TINAG: variants seen among roughly 807,000 people sequenced by gnomAD.
The protein encoded by TINAG is tubulointerstitial nephritis antigen.
In TINAG, 83 loss-of-function variants were observed where a neutral mutation model predicts 72.7. The ratio of observed to expected loss-of-function variants is 1.14; its 90% CI spans 0.96 to 1.37. TINAG has a LOEUF of 1.37. TINAG is among the 40% of genes most tolerant of loss of function. TINAG has a pLI of 0.00. For missense variants in TINAG, 685 were observed against 576.6 expected, an observed-to-expected ratio of 1.19 and a Z score of -1.93; for synonymous variants, 234 against 189.9, an observed-to-expected ratio of 1.23 and a Z score of -1.91.
chr6:54,370,878 A>G (rs955322340), intron 9 of TINAG, among the ~76,000 whole-genome samples: 6 of 152,030 alleles, frequency 3.9e-5, no homozygotes, highest in African/African-American at 1.4e-4. Flanking sequence ...GTCTTGTTTG[A>G]CACTGGTCCT....
intron 4 of TINAG, among the ~76,000 whole-genome samples, chr6:54,340,814 TA>T (rs781583931): frequency 3.3e-5 from 5 of 152,156 alleles, no homozygotes; most frequent in Non-Finnish European, 5.9e-5. Context: ...ATTCACCATT[TA>T]TATTTTTTCA....
At chr6:54,316,705 A>G (rs1424685921) in intron 1 of TINAG, among the ~76,000 whole-genome samples, 2 of 152,186 alleles carry the variant, frequency 1.3e-5, no homozygotes, top group Non-Finnish European at 2.9e-5. Context: ...CAGCATAGAT[A>G]CTTATAATAC....
intron 5 of TINAG, among the ~76,000 whole-genome samples, chr6:54,345,769 T>C (rs956819383): frequency 4.6e-5 from 7 of 152,058 alleles, no homozygotes; most frequent in African/African-American, 1.4e-4. Flanking sequence ...TAACACATAT[T>C]GAGCATCTAA....
chr6:54,329,709 G>T (rs571020756), intron 4 of TINAG, among the ~76,000 whole-genome samples: 1 of 152,178 alleles, frequency 6.6e-6, no homozygotes, highest in South Asian at 2.1e-4. Flanking sequence ...ACCCATCATT[G>T]TGCTGTATTC....
At chr6:54,334,429 C>T (rs1784813477) in intron 4 of TINAG, among the ~76,000 whole-genome samples, 1 of 151,982 alleles carries the variant, frequency 6.6e-6, no homozygotes, top group South Asian at 2.1e-4. Flanking sequence ...ATTCAAATTC[C>T]AGTAGCAGGG....
In TINAG at chr6:54,327,520, G is replaced by T. The variant is rs540606221; in HGVS notation, c.624+604G>T. ...ACCCTGGGTTTCAAGCACAAAACTGGGTGGCCATTTGGGCAGACACTGAAC... is the reference window on the plus strand; with the variant it reads ...ACCCTGGGTTTCAAGCACAAAACTGTGTGGCCATTTGGGCAGACACTGAAC... On this transcript the variant is annotated intron_variant, in intron 4 of 10. Transcript: ENST00000259782. Among the ~76,000 whole-genome samples the T allele has an allele frequency of 1.9e-4, 29 of 152,220 alleles. No individual in the cohort carries two copies. In the South Asian group the frequency reaches 5.6e-3, roughly 29 times the overall value.
chr6:54,320,416 T>C (rs185656825), intron 1 of TINAG, among the ~76,000 whole-genome samples, 163 bp from the exon 2 acceptor site: 1 of 152,304 alleles, frequency 6.6e-6, no homozygotes, highest in East Asian at 1.9e-4. Context: ...GAATTCGATA[T>C]ACACACCTTG....
chr6:54,336,383 T>A (rs1462716075), intron 4 of TINAG, among the ~76,000 whole-genome samples: 1 of 152,138 alleles, frequency 6.6e-6, no homozygotes, highest in Non-Finnish European at 1.5e-5. Flanking sequence ...TTTTCTTTTA[T>A]AAAGAAAGGT....
chr6:54,358,939 T>C (rs915313318), intron 9 of TINAG, among the ~76,000 whole-genome samples: 2 of 151,818 alleles, frequency 1.3e-5, no homozygotes, highest in African/African-American at 2.4e-5. Flanking sequence ...TAGACTGCAT[T>C]ATGTACTTCT....
rs182678898 is a variant in TINAG at position 54,342,229 on chromosome 6, T to C, written c.625-997T>C. On this transcript the variant is annotated intron_variant, in intron 4 of 10. Coordinates refer to ENST00000259782, the MANE Select transcript of TINAG (RefSeq NM_014464.4). Reference sequence around the variant, plus strand: ...TGTTCTAGATTTTCTTTGAATGAAATGAACAGAACAAGTTTACAATTTAGT... The same window carrying C: ...TGTTCTAGATTTTCTTTGAATGAAACGAACAGAACAAGTTTACAATTTAGT... 1.3e-4 allele frequency among the ~76,000 whole-genome samples: 20 copies of C among 152,294 alleles called. 1 individual carries two copies. The South Asian group carries it at 3.3e-3, about 25-fold the overall frequency.
intron 10 of TINAG, among the ~76,000 whole-genome samples, chr6:54,383,160 T>C (rs1251025847): frequency 6.6e-6 from 1 of 152,114 alleles, no homozygotes; most frequent in Non-Finnish European, 1.5e-5. Flanking sequence ...TGGCTACATA[T>C]CTAATTGTCA....
At chr6:54,334,194 G>C (rs539641463) in intron 4 of TINAG, among the ~76,000 whole-genome samples, 1 of 152,144 alleles carries the variant, frequency 6.6e-6, no homozygotes, top group Non-Finnish European at 1.5e-5. Context: ...TGTATTCAAG[G>C]CCTGTTATGA....
intron 1 of TINAG, among the ~76,000 whole-genome samples, chr6:54,316,278 G>A (rs1054783597): frequency 1.3e-5 from 2 of 152,148 alleles, no homozygotes; most frequent in African/African-American, 4.8e-5. Context: ...ATACATCTAA[G>A]CTATGGGATA....
At chr6:54,368,631 A>G (rs926512926) in intron 9 of TINAG, among the ~76,000 whole-genome samples, 7 of 151,392 alleles carry the variant, frequency 4.6e-5, no homozygotes. Context: ...TTATAATTCA[A>G]TGTATTCCAC....
chr6:54,383,465 G>T (rs1347325547), intron 10 of TINAG, among the ~76,000 whole-genome samples: 1 of 152,016 alleles, frequency 6.6e-6, no homozygotes, highest in Non-Finnish European at 1.5e-5. Context: ...GAAAATAGCA[G>T]AATTTTTCCA....
intron 9 of TINAG, among the ~76,000 whole-genome samples, chr6:54,373,495 A>G (rs1042224255): frequency 6.6e-6 from 1 of 152,036 alleles, no homozygotes; most frequent in African/African-American, 2.4e-5. Context: ...ATCTGCTTCT[A>G]AGACACTAGT....
intron 4 of TINAG, among the ~76,000 whole-genome samples, chr6:54,342,335 C>T (rs977558588): frequency 3.3e-5 from 5 of 151,272 alleles, no homozygotes; most frequent in Admixed American, 6.6e-5. Context: ...AATTTTGCAC[C>T]GTTGCTCTTT....
chr6:54,365,986 G>A (rs915572667), intron 9 of TINAG, among the ~76,000 whole-genome samples: 1 of 151,524 alleles, frequency 6.6e-6, no homozygotes, highest in Non-Finnish European at 1.5e-5. Context: ...GCAACATAGA[G>A]ACCTTGTCTC....
At chr6:54,379,153 T>C (rs1763870660) in intron 9 of TINAG, among the ~76,000 whole-genome samples, 1 of 152,180 alleles carries the variant, frequency 6.6e-6, no homozygotes, top group African/African-American at 2.4e-5. Context: ...TTTAGGTTAA[T>C]GTGGTAATAC....
Sources: allele counts gnomAD v4.1 joint callset (sites outside exome capture counted in the v4.1 genomes callset), GRCh38; gene constraint gnomAD v4.1.1; transcripts MANE v1.5; gene names NCBI Gene and HGNC (gene_info 2026-07-23, HGNC 2026-07-21).